The following IQCM variants were observed in gnomAD, a reference collection of about 807,000 sequenced individuals.
IQCM encodes the protein IQ domain-containing protein M.
IQCM carries 45 observed loss-of-function variants against 57.6 expected under a neutral mutation model. That is an observed-to-expected ratio of 0.78 (90% CI 0.62 to 1.00). The LOEUF is 1.00. Among genes scored for constraint, IQCM ranks in the 50% least tolerant of loss-of-function variants. The probability of loss-of-function intolerance (pLI) is 0.00; values close to 1 mark genes in which losing one functional copy is unlikely to be tolerated. For missense variants in IQCM, 468 were observed against 511.6 expected (o/e 0.91, Z 0.82); for synonymous variants, 148 against 158.9 (o/e 0.93, Z 0.51).
At chr4:149,483,340 A>G (rs920582964) in intron 12 of IQCM, among the ~76,000 whole-genome samples, 14 of 151,502 alleles carry the variant, frequency 9.2e-5, no homozygotes, top group Admixed American at 3.3e-4. Flanking sequence ...TTGGTTTTCT[A>G]ATTTTTAAAG....
intron 2 of IQCM, among the ~76,000 whole-genome samples, chr4:149,779,531 A>G (rs1304321649): frequency 6.6e-6 from 1 of 152,180 alleles, no homozygotes; most frequent in African/African-American, 2.4e-5. Context: ...ATGATACTAG[A>G]ACAAATGGAT....
chr4:149,545,538 G>A (rs545778993), intron 12 of IQCM, among the ~76,000 whole-genome samples: 43 of 152,194 alleles, frequency 2.8e-4, no homozygotes, highest in Non-Finnish European at 4.7e-4. Flanking sequence ...ACAAGAGATA[G>A]CAGGTATTGG....
chr4:149,397,433 G>A (rs923734967), intron 13 of IQCM, among the ~76,000 whole-genome samples: 2 of 151,912 alleles, frequency 1.3e-5, no homozygotes, highest in African/African-American at 4.8e-5. Flanking sequence ...GGATCATGGG[G>A]GTGATTTCCC....
intron 8 of IQCM, among the ~76,000 whole-genome samples, chr4:149,608,453 C>T (rs1277012718): frequency 1.3e-5 from 2 of 151,766 alleles, no homozygotes; most frequent in Non-Finnish European, 3.0e-5. Flanking sequence ...TCAACAGCAG[C>T]AAAATACACA....
At chr4:149,703,852 C>G (rs1423756158) in intron 5 of IQCM, among the ~76,000 whole-genome samples, 2 of 151,858 alleles carry the variant, frequency 1.3e-5, no homozygotes, top group East Asian at 1.9e-4. Flanking sequence ...ACTGTTAGAA[C>G]AGTAAAGACA....
At chr4:149,391,623 G>C (rs1012782535) in intron 13 of IQCM, among the ~76,000 whole-genome samples, 1 of 151,898 alleles carries the variant, frequency 6.6e-6, no homozygotes, top group African/African-American at 2.4e-5. Flanking sequence ...GTAGGCATCT[G>C]TGGTTATATA....
chr4:149,809,750 C>T (rs983267129), intron 2 of IQCM, among the ~76,000 whole-genome samples: 9 of 152,130 alleles, frequency 5.9e-5, no homozygotes, highest in Admixed American at 2.0e-4. Flanking sequence ...GCATTACTTA[C>T]GGAGTGGGAG....
In IQCM at chr4:149,354,171, C is replaced by T. The variant is rs1041485080; in HGVS notation, c.1391-2105G>A. Among the ~76,000 whole-genome samples the T allele has an allele frequency of 8.7e-5, 13 of 150,228 alleles. 2 individuals carry two copies. Among genetic ancestry groups the T allele is most frequent in the African/African-American group, 2.7e-4 (11 of 40,940 alleles). Reference sequence around the variant, plus strand: ...CGAGGTCAGGAGATCGAGACCATCCCGGCTAAAACGGTGAAACCCCGTCTC... The same window carrying T: ...CGAGGTCAGGAGATCGAGACCATCCTGGCTAAAACGGTGAAACCCCGTCTC... On this transcript the variant is annotated intron_variant, in intron 13 of 13. Coordinates refer to ENST00000636793, the MANE Select transcript of IQCM (RefSeq NM_001363507.2).
At chr4:149,572,584 A>G (rs1041833948) in intron 9 of IQCM, among the ~76,000 whole-genome samples, 5 of 152,126 alleles carry the variant, frequency 3.3e-5, no homozygotes, top group Middle Eastern at 3.4e-3. Flanking sequence ...TGAACATCCC[A>G]TATTTCATCT....
At chr4:149,403,784 G>A (rs1305734620) in intron 13 of IQCM, among the ~76,000 whole-genome samples, 1 of 151,918 alleles carries the variant, frequency 6.6e-6, no homozygotes, top group Non-Finnish European at 1.5e-5. Context: ...GTCCCTATGT[G>A]TGCAAATTCA....
At chr4:149,691,719 A>G (rs960386481) in intron 5 of IQCM, 1 of 152,188 alleles carries the variant, frequency 6.6e-6, no homozygotes, top group Non-Finnish European at 1.5e-5. Context: ...ATATAGATCA[A>G]GAGATTACAG....
At chr4:149,557,701 CCTT>C (rs1223102222) in intron 10 of IQCM, among the ~76,000 whole-genome samples, 4 of 152,192 alleles carry the variant, frequency 2.6e-5, no homozygotes, top group Non-Finnish European at 4.4e-5. Context: ...CATCTACACA[CCTT>C]CTTCTCCTGC....
chr4:149,509,783 C>T (rs969295019), intron 12 of IQCM, among the ~76,000 whole-genome samples: 59 of 151,438 alleles, frequency 3.9e-4, no homozygotes, highest in African/African-American at 1.3e-3. Context: ...ATCTTTTTTT[C>T]GAATTTGGTA....
intron 8 of IQCM, among the ~76,000 whole-genome samples, chr4:149,605,211 TC>T (rs1236963019): frequency 1.3e-5 from 2 of 152,110 alleles, no homozygotes; most frequent in East Asian, 3.9e-4. Flanking sequence ...TGAAGTGGCC[TC>T]CAAAAGCAAA....
chr4:149,464,655 G>A (rs993514984), intron 12 of IQCM, among the ~76,000 whole-genome samples: 1 of 151,942 alleles, frequency 6.6e-6, no homozygotes, highest in South Asian at 2.1e-4. Flanking sequence ...AGATCACCTT[G>A]CTTGACCTAG....
intron 12 of IQCM, among the ~76,000 whole-genome samples, chr4:149,503,045 T>A (rs1176056197): frequency 1.3e-5 from 2 of 151,468 alleles, no homozygotes; most frequent in African/African-American, 4.8e-5. Flanking sequence ...AGACTCCAAC[T>A]CTACAAAAAA....
chr4:149,398,097 T>G (rs2111115938), intron 13 of IQCM, among the ~76,000 whole-genome samples: 1 of 152,166 alleles, frequency 6.6e-6, no homozygotes, highest in South Asian at 2.1e-4. Context: ...AGGCACAATT[T>G]CATTGTTTTG....
chr4:149,444,660 TA>T (rs1349398044), intron 12 of IQCM, among the ~76,000 whole-genome samples: 1 of 151,186 alleles, frequency 6.6e-6, no homozygotes, highest in African/African-American at 2.4e-5. Context: ...AAGATTGCAT[TA>T]AAAAATTATA....
intron 13 of IQCM, among the ~76,000 whole-genome samples, chr4:149,396,373 A>G (rs878955756): frequency 6.6e-6 from 1 of 151,800 alleles, no homozygotes; most frequent in Non-Finnish European, 1.5e-5. Flanking sequence ...AAATGTTCTT[A>G]CCATAATTTT....
Sources: allele counts gnomAD v4.1 joint callset (sites outside exome capture counted in the v4.1 genomes callset), GRCh38; gene constraint gnomAD v4.1.1; transcripts MANE v1.5; gene names NCBI Gene and HGNC (gene_info 2026-07-23, HGNC 2026-07-21).